ERC2: variants seen among roughly 807,000 people sequenced by gnomAD.
The protein encoded by ERC2 is ELKS/RAB6-interacting/CAST family member 2.
ERC2 carries 42 observed loss-of-function variants against 114.8 expected under a neutral mutation model. That is an observed-to-expected ratio of 0.37 (90% confidence interval 0.29 to 0.47). ERC2 has a LOEUF of 0.47. Among genes scored for constraint, ERC2 ranks in the 20% least tolerant of loss-of-function variants. ERC2 has a pLI of 0.99. For missense variants in ERC2, 939 were observed against 1,150.7 expected (o/e 0.82, Z 2.66); for synonymous variants, 454 against 425.5 (o/e 1.07, Z -0.82).
intron 3 of ERC2, among the ~76,000 whole-genome samples, chr3:56,275,963 T>G (rs1291311887): frequency 6.6e-6 from 1 of 152,158 alleles, no homozygotes; most frequent in Non-Finnish European, 1.5e-5. Flanking sequence ...GCTGGCGTGG[T>G]TGAGAAACCC....
At chr3:56,271,290 T>C (rs570874350) in intron 3 of ERC2, among the ~76,000 whole-genome samples, 1 of 152,296 alleles carries the variant, frequency 6.6e-6, no homozygotes, top group South Asian at 2.1e-4. Flanking sequence ...ACTGGGACGG[T>C]TGGTCATCCT....
At position 56,376,472 on chromosome 3, in the gene ERC2, A is replaced by G. The variant is rs577154667; in HGVS notation, c.657+57879T>C. Among the ~76,000 whole-genome samples the G allele has an allele frequency of 5.4e-5, 8 of 148,790 alleles. No homozygotes were observed. In the South Asian group the frequency reaches 1.7e-3, roughly 31 times the overall value. On this transcript the variant is annotated intron_variant, in intron 2 of 17. Transcript: ENST00000288221. ...CTTAATTGCTCCCAAAAAAAAAAAAAGAGGTGAGTTGGCCGGGCACAGTGG... is the reference window on the plus strand; with the variant it reads ...CTTAATTGCTCCCAAAAAAAAAAAAGGAGGTGAGTTGGCCGGGCACAGTGG...
intron 2 of ERC2, among the ~76,000 whole-genome samples, chr3:56,401,914 G>A (rs1050543697): frequency 6.6e-6 from 1 of 152,202 alleles, no homozygotes; most frequent in Non-Finnish European, 1.5e-5. Context: ...TTGACCCACA[G>A]TTCCACATGG....
intron 15 of ERC2, among the ~76,000 whole-genome samples, chr3:55,707,658 A>C (rs193090372): frequency 2.3e-3 from 345 of 152,326 alleles, no homozygotes; most frequent in African/African-American, 7.9e-3. Flanking sequence ...TGTTAACATA[A>C]AAAATAATAA....
At chr3:56,133,136 T>G (rs2080301872) in intron 6 of ERC2, among the ~76,000 whole-genome samples, 1 of 152,180 alleles carries the variant, frequency 6.6e-6, no homozygotes, top group South Asian at 2.1e-4. Context: ...GCCACAAATT[T>G]TGCCTTTAAG....
chr3:56,154,994 C>G (rs894964809), intron 4 of ERC2, among the ~76,000 whole-genome samples: 1 of 152,156 alleles, frequency 6.6e-6, no homozygotes, highest in African/African-American at 2.4e-5. Flanking sequence ...AATCCTATAA[C>G]CTAAGTTTAC....
intron 12 of ERC2, among the ~76,000 whole-genome samples, chr3:55,963,358 T>C (rs1559941334): frequency 6.6e-6 from 1 of 152,208 alleles, no homozygotes. Flanking sequence ...ACAGATTAAA[T>C]CTGAGACAAA....
intron 6 of ERC2, among the ~76,000 whole-genome samples, chr3:56,122,358 A>G (rs551815841): frequency 1.4e-4 from 21 of 152,190 alleles, no homozygotes; most frequent in East Asian, 3.8e-4. Flanking sequence ...ACACTCCCCA[A>G]TGATAATGGT....
chr3:55,892,694 C>A (rs912525180), intron 13 of ERC2, among the ~76,000 whole-genome samples: 62 of 151,950 alleles, frequency 4.1e-4, no homozygotes, highest in African/African-American at 1.5e-3. Context: ...TAATTTCTCT[C>A]TATATTTATG....
At chr3:55,545,260 C>T (rs889117297) in intron 17 of ERC2, among the ~76,000 whole-genome samples, 1 of 152,212 alleles carries the variant, frequency 6.6e-6, no homozygotes, top group Non-Finnish European at 1.5e-5. Context: ...ATCCTCCAGC[C>T]CATCCATACT....
At position 55,888,389 on chromosome 3, in the gene ERC2, T is replaced by C; in HGVS notation, c.2564A>G (p.Lys855Arg). 1 of 1,613,814 alleles carries C rather than the reference T, an allele frequency of 6.2e-7. No individual in the cohort carries two copies. Among genetic ancestry groups the C allele is most frequent in the Non-Finnish European group, 8.5e-7 (1 of 1,179,774 alleles). ...RKQLEEILEM[K>R]QEALLAAISE... is the part of the protein sequence containing the mutation. ...TACCAAAGCAGCAATGGGTACTCAC[T>C]TCATCTCCAGGATCTCCTCCAGCTG... The change falls in exon 14 of 18, where the codon AAA becomes AGA. Residue 855 changes from lysine to arginine, a missense_variant and splice_region_variant. Lys to Arg is a conservative substitution (Grantham distance 26). Around this residue, in one of 5 missense-constraint regions of ERC2, gnomAD observed 328 missense variants for 353.9 expected, o/e 0.93. Transcript: ENST00000288221.
intron 6 of ERC2, among the ~76,000 whole-genome samples, chr3:56,107,323 T>C (rs2078724883): frequency 6.6e-6 from 1 of 151,926 alleles, no homozygotes; most frequent in South Asian, 2.1e-4. Context: ...ATAAGAATGC[T>C]GACTAATGTA....
intron 17 of ERC2, among the ~76,000 whole-genome samples, chr3:55,566,990 T>A (rs572008359): frequency 1.3e-5 from 2 of 152,222 alleles, no homozygotes; most frequent in African/African-American, 2.4e-5. Flanking sequence ...CATAAGCCAC[T>A]GTGCCTGACC....
Position 55,557,130 on chromosome 3 carries a change from T to C in ERC2, c.*40-45854A>G, listed in dbSNP as rs188352969. Reference sequence around the variant, plus strand: ...TGCTGACACACAAGGAGTGAGAGCCTTCTTCTGGCTTTAGGCCAGGAAAAG... The same window carrying C: ...TGCTGACACACAAGGAGTGAGAGCCCTCTTCTGGCTTTAGGCCAGGAAAAG... On this transcript the variant is annotated intron_variant, in intron 17 of 17. Coordinates refer to ENST00000288221, the MANE Select transcript of ERC2 (RefSeq NM_015576.3). Among the ~76,000 whole-genome samples, 5 of 152,328 alleles carry C rather than the reference T, an allele frequency of 3.3e-5. No homozygotes were observed. The East Asian group carries it at 9.7e-4, about 29-fold the overall frequency.
intron 4 of ERC2, among the ~76,000 whole-genome samples, chr3:56,167,366 C>T (rs2082374338): frequency 6.6e-6 from 1 of 152,072 alleles, no homozygotes. Flanking sequence ...TTCACAAAAA[C>T]TAACCTGGGT....
In ERC2 at chr3:55,911,043, G is replaced by A. The variant is rs188292621; in HGVS notation, c.2404-22494C>T. ...TCTTCCCCTTTCCCTCCCTCCCTGC[G>A]CTCTGTCCCTCTCTTTGTCCCAAGG... On this transcript the variant is annotated intron_variant, in intron 13 of 17. Coordinates refer to ENST00000288221, the MANE Select transcript of ERC2 (RefSeq NM_015576.3). Among the ~76,000 whole-genome samples the A allele has an allele frequency of 1.2e-3, 183 of 151,922 alleles. 1 individual carries two copies. The highest frequency in any genetic ancestry group is 1.4e-3 in the Non-Finnish European group (95 of 67,984).
chr3:55,852,982 TAC>T (rs1481449364), intron 14 of ERC2, among the ~76,000 whole-genome samples: 2 of 152,204 alleles, frequency 1.3e-5, no homozygotes, highest in Non-Finnish European at 2.9e-5. Context: ...CTCTGCCCTA[TAC>T]ATGCCAGTAG....
At chr3:56,138,051 C>CG (rs2080618964) in intron 6 of ERC2, among the ~76,000 whole-genome samples, 1 of 92,632 alleles carries the variant, frequency 1.1e-5, no homozygotes, top group African/African-American at 4.0e-5. Context: ...AATGGTATTT[C>CG]TTTTTTTTTT....
chr3:55,575,209 G>A (rs892120796), intron 17 of ERC2, among the ~76,000 whole-genome samples: 5 of 152,048 alleles, frequency 3.3e-5, no homozygotes, highest in African/African-American at 9.7e-5. Flanking sequence ...GTAGAGACGG[G>A]GTTTCACCAT....
Sources: allele counts gnomAD v4.1 joint callset (sites outside exome capture counted in the v4.1 genomes callset), GRCh38; gene constraint gnomAD v4.1.1; regional missense constraint gnomAD v4.1.1; transcripts MANE v1.5; gene names NCBI Gene and HGNC (gene_info 2026-07-23, HGNC 2026-07-21).